The following CDON variants were observed in gnomAD, a reference collection of about 807,000 sequenced individuals.
The protein encoded by CDON is cell adhesion molecule-related/down-regulated by oncogenes.
A neutral mutation model predicts 120.9 loss-of-function variants in CDON; 73 were observed. That is an observed-to-expected ratio of 0.60 (90% CI 0.50 to 0.73). The LOEUF (loss-of-function observed/expected upper bound fraction) is 0.73, where lower values mean the gene tolerates loss of function less well. Among genes scored for constraint, CDON ranks in the 30% least tolerant of loss-of-function variants. The pLI, the probability that CDON is intolerant of heterozygous loss-of-function variation, is 0.00. For missense variants in CDON, 1,470 were observed against 1,587.3 expected, an observed-to-expected ratio of 0.93 and a Z score of 1.26; for synonymous variants, 566 against 573.5, an observed-to-expected ratio of 0.99 and a Z score of 0.19.
chr11:125,969,421 A>G (rs1261727748), intron 18 of CDON, among the ~76,000 whole-genome samples: 1 of 152,272 alleles, frequency 6.6e-6, no homozygotes, highest in Non-Finnish European at 1.5e-5. Context: ...TAAATAAGAA[A>G]ACAGGACAAA....
Position 125,959,493 on chromosome 11 carries a change from C to A in CDON, c.*1449G>T, listed in dbSNP as rs1484017684. ...TGCAAATGTCCTTGTCACGCAGAGG[C>A]AGCCGTGGTCAGGAGCTCTGCTGAC... is the stretch of plus-strand genomic sequence containing the variant. On this transcript the variant is annotated 3_prime_UTR_variant, in exon 20 of 20. Transcript: ENST00000531738. 2.6e-5 allele frequency: 4 copies of A among 152,098 alleles called. No individual in the cohort carries two copies. 9.4% of individuals were successfully genotyped at this position (152,098 alleles called of 1,614,324 possible). A position where few individuals can be genotyped will look rare whatever the true frequency, so the allele number is the denominator to read the frequency against.
chr11:126,046,885 C>T (rs1488317226), intron 1 of CDON, among the ~76,000 whole-genome samples: 1 of 152,174 alleles, frequency 6.6e-6, no homozygotes, highest in Non-Finnish European at 1.5e-5. Flanking sequence ...GGTTTTAATA[C>T]TGCCAATCAC....
chr11:126,045,251 C>G (rs952267317), intron 1 of CDON, among the ~76,000 whole-genome samples: 3 of 152,182 alleles, frequency 2.0e-5, no homozygotes, highest in Non-Finnish European at 4.4e-5. Context: ...TGGTCTCGAT[C>G]TCTTGACCTC....
intron 1 of CDON, among the ~76,000 whole-genome samples, chr11:126,046,490 C>T (rs886750405): frequency 7.0e-6 from 1 of 141,878 alleles, no homozygotes; most frequent in African/African-American, 2.7e-5. Context: ...ATGAGATTCT[C>T]GAGACTTATC....
At chr11:125,962,120 T>A in intron 18 of CDON, 122 bp from the exon 19 acceptor site, 1 of 761,030 alleles carries the variant, frequency 1.3e-6, no homozygotes, top group Non-Finnish European at 2.3e-6. Context: ...GAGTGATGCT[T>A]AAAAACAACT....
At position 126,021,445 on chromosome 11, in the gene CDON, G is replaced by T; in HGVS notation, c.152C>A (p.Ser51Tyr). The T allele has an allele frequency of 1.2e-6, 2 of 1,614,074 alleles. No homozygotes were observed. Among genetic ancestry groups the T allele is most frequent in the South Asian group, 1.1e-5 (1 of 91,064 alleles). Residue 51 changes from serine to tyrosine, a missense_variant, in exon 3 of 20, where the codon TCT (serine) becomes TAT (tyrosine). Coordinates refer to ENST00000531738, the MANE Select transcript of CDON (RefSeq NM_001378964.1). ...KLGGPVVLHCSAQPVTTRISW... is the reference protein window; with the variant it reads ...KLGGPVVLHCYAQPVTTRISW... ...GATACGAGTGGTCACAGGTTGAGCA[G>T]AACAATGCAGTACTACAGGTCCACC...
intron 1 of CDON, among the ~76,000 whole-genome samples, chr11:126,039,531 GT>G (rs1180065184): frequency 1.3e-5 from 2 of 152,134 alleles, no homozygotes; most frequent in East Asian, 3.8e-4. Context: ...GATCATGCTG[GT>G]TCAAAGATCA....
intron 8 of CDON, among the ~76,000 whole-genome samples, chr11:126,007,459 G>A (rs1374466982): frequency 6.6e-6 from 1 of 152,214 alleles, no homozygotes; most frequent in Non-Finnish European, 1.5e-5. Context: ...ACTGCGGACT[G>A]ATGTTCAGGG....
intron 7 of CDON, chr11:126,011,047 G>T: frequency 5.5e-6 from 2 of 364,450 alleles, no homozygotes; most frequent in Admixed American, 3.7e-5. Context: ...GGAAAAATGT[G>T]TAAATAAGTA....
At chr11:126,029,791 T>A (rs768040475) in intron 1 of CDON, among the ~76,000 whole-genome samples, 20 of 152,178 alleles carry the variant, frequency 1.3e-4, no homozygotes, top group Admixed American at 3.3e-4. Flanking sequence ...ACATTCTGAG[T>A]GGGTGATTTG....
chr11:126,027,508 G>GTA (rs539032719), intron 1 of CDON, among the ~76,000 whole-genome samples: 37 of 152,288 alleles, frequency 2.4e-4, no homozygotes, highest in African/African-American at 7.9e-4. Flanking sequence ...ATATGTGTGT[G>GTA]TATATATACA....
intron 2 of CDON, among the ~76,000 whole-genome samples, chr11:126,021,786 C>T (rs528438590): frequency 1.1e-3 from 173 of 152,100 alleles, no homozygotes; most frequent in African/African-American, 4.1e-3. Flanking sequence ...AAATCAGATA[C>T]AATATCAATC....
intron 1 of CDON, among the ~76,000 whole-genome samples, chr11:126,054,840 G>C (rs1343182402): frequency 3.9e-5 from 6 of 152,166 alleles, no homozygotes; most frequent in Admixed American, 2.0e-4. Context: ...AAATCACATT[G>C]TCCTTAAGGA....
At chr11:125,971,826 G>A (rs1434430680) in intron 18 of CDON, among the ~76,000 whole-genome samples, 1 of 152,064 alleles carries the variant, frequency 6.6e-6, no homozygotes, top group African/African-American at 2.4e-5. Context: ...AAATTATCAA[G>A]GCTGATGCTA....
At chr11:126,003,819 CA>C (rs915495426) in intron 10 of CDON, 82 bp downstream of exon 10, 131 of 1,277,664 alleles carry the variant, frequency 1.0e-4, no homozygotes, top group Non-Finnish European at 1.3e-4. Flanking sequence ...GACTCCATCT[CA>C]AAAAAAATAA....
chr11:126,040,128 T>C (rs1591419059), intron 1 of CDON, among the ~76,000 whole-genome samples: 1 of 152,230 alleles, frequency 6.6e-6, no homozygotes, highest in East Asian at 1.9e-4. Context: ...ACTAGCTTAC[T>C]CACAGGTCAC....
At chr11:125,989,274 G>A (rs544263525) in intron 15 of CDON, among the ~76,000 whole-genome samples, 1 of 152,272 alleles carries the variant, frequency 6.6e-6, no homozygotes, top group South Asian at 2.1e-4. Context: ...GGTGGCTCAC[G>A]CCTGTAATCC....
In CDON at chr11:125,983,851, A is replaced by C. The variant is rs753739076; in HGVS notation, c.2995+21T>G. ...TACCCACCTTTAGAAAAAGAGAAGGAGATATTTATGAGTGACTTACTTTGT... is the reference window on the plus strand; with the variant it reads ...TACCCACCTTTAGAAAAAGAGAAGGCGATATTTATGAGTGACTTACTTTGT... On this transcript the variant is annotated intron_variant, in intron 16 of 19. Transcript: ENST00000531738. 4.5e-6 allele frequency: 7 copies of C among 1,539,986 alleles called. No homozygotes were observed. The Admixed American group carries it at 5.0e-5, about 11-fold the overall frequency.
intron 18 of CDON, among the ~76,000 whole-genome samples, chr11:125,965,440 C>T (rs188141348): frequency 6.6e-6 from 1 of 152,282 alleles, no homozygotes; most frequent in East Asian, 1.9e-4. Context: ...ATCAGCACCA[C>T]TTTTCTTCTG....
Sources: gnomAD v4.1 joint callset for allele counts (sites outside exome capture counted in the v4.1 genomes callset) on GRCh38, gnomAD v4.1.1 for gene constraint, MANE v1.5 for transcripts, NCBI Gene and HGNC (gene_info 2026-07-23, HGNC 2026-07-21) for gene names.